Variants in IL15RA observed in about 807,000 individuals in gnomAD.
IL15RA encodes the protein interleukin-15 receptor subunit alpha.
In IL15RA, 26 loss-of-function variants were observed where a neutral mutation model predicts 24.2. The observed-to-expected ratio is 1.07, with a 90% CI of 0.79 to 1.49. The LOEUF (loss-of-function observed/expected upper bound fraction) is 1.49. IL15RA is among the 40% of genes most tolerant of loss of function. The probability of loss-of-function intolerance (pLI) is 0.00; values close to 1 mark genes in which losing one functional copy is unlikely to be tolerated. For synonymous variants in IL15RA, 166 were observed against 157.6 expected (o/e 1.05, Z -0.40); for missense variants, 354 against 356.4 (o/e 0.99, Z 0.05).
rs879040666 is a variant in IL15RA, at chr10:5,958,392, C to T, written c.616+1362G>A. The T allele has an allele frequency of 3.5e-5, 15 of 431,892 alleles. No homozygotes were observed. Among genetic ancestry groups the T allele is most frequent in the Admixed American group, 2.5e-4 (10 of 40,130 alleles). The allele number at this position is 431,892 out of a possible 1,614,324, so 26.8% of individuals were successfully genotyped here. ...TGAGTTAGAAATGGGATTTGCTTTTCGTCTTTTTTTTGAGACAGGGTCCTG... is the reference window on the plus strand; with the variant it reads ...TGAGTTAGAAATGGGATTTGCTTTTTGTCTTTTTTTTGAGACAGGGTCCTG... On this transcript the variant is annotated intron_variant, in intron 5 of 6. Coordinates refer to ENST00000379977, the MANE Select transcript of IL15RA (RefSeq NM_002189.4). This position sits in a 1 kb window ranked among gnomAD's most constrained non-coding sequence, Gnocchi z 4.3.
chr10:5,964,487 A>G lies in IL15RA; in HGVS notation c.284-646T>C, dbSNP rs911577997. On this transcript the variant is annotated intron_variant, in intron 2 of 6. Transcript: ENST00000379977. This position sits in a 1 kb window ranked among gnomAD's most constrained non-coding sequence, Gnocchi z 5.6. Reference sequence around the variant, plus strand: ...CTGGCTTACATTTCACTTGTTGAGCAGGAAAAAAGTCATTCAAAGCACAAG... The same window carrying G: ...CTGGCTTACATTTCACTTGTTGAGCGGGAAAAAAGTCATTCAAAGCACAAG... Among the ~76,000 whole-genome samples, 5 of 152,182 alleles carry G rather than the reference A, an allele frequency of 3.3e-5. No homozygotes were observed. Among genetic ancestry groups the G allele is most frequent in the African/African-American group, 9.7e-5 (4 of 41,448 alleles).
In IL15RA at chr10:5,966,385, G is replaced by T. The variant is rs182378474; in HGVS notation, c.89-46C>A. The T allele has an allele frequency of 8.6e-6, 13 of 1,510,886 alleles. No homozygotes were observed. In the East Asian group the frequency reaches 1.4e-4, roughly 16 times the overall value. 93.6% of individuals were successfully genotyped at this position (1,510,886 alleles called of 1,614,324 possible). ...GGGGACGGTGAAGAGGTTTCCACTTGTAAGAGGCGTTCTCCAGGCACACGC... is the reference window on the plus strand; with the variant it reads ...GGGGACGGTGAAGAGGTTTCCACTTTTAAGAGGCGTTCTCCAGGCACACGC... On this transcript the variant is annotated intron_variant, in intron 1 of 6. Coordinates refer to ENST00000379977, the MANE Select transcript of IL15RA (RefSeq NM_002189.4). This position sits in a 1 kb window ranked among gnomAD's most constrained non-coding sequence, Gnocchi z 6.4.
chr10:5,966,469 G>A lies in IL15RA; in HGVS notation c.89-130C>T. 4.5e-6 allele frequency: 3 copies of A among 668,644 alleles called. 1 individual carries two copies. Among genetic ancestry groups the A allele is most frequent in the South Asian group, 3.9e-5 (2 of 50,646 alleles). The allele number at this position is 668,644 out of a possible 1,614,324, so 41.4% of individuals were successfully genotyped here. The stretch of plus-strand genomic sequence containing the variant: ...GCCTCAGGACAAGCCCCAGGTGCCA[G>A]GCACGTGGAGGATGTACAGGAAGAG... On this transcript the variant is annotated intron_variant, in intron 1 of 6. Coordinates refer to ENST00000379977, the MANE Select transcript of IL15RA (RefSeq NM_002189.4). The surrounding 1 kb of genome is among the most constrained non-coding windows in gnomAD (Gnocchi z 6.4).
chr10:5,959,908 G>T lies in IL15RA; in HGVS notation c.584-122C>A. 1.2e-6 allele frequency: 1 copy of T among 845,368 alleles called. No homozygotes were observed. Among genetic ancestry groups the T allele is most frequent in the Non-Finnish European group, 1.9e-6 (1 of 513,066 alleles). 52.4% of individuals were successfully genotyped at this position (845,368 alleles called of 1,614,324 possible). On this transcript the variant is annotated intron_variant, in intron 4 of 6. Transcript: ENST00000379977. The surrounding 1 kb of genome is among the most constrained non-coding windows in gnomAD (Gnocchi z 4.1). Reference sequence around the variant, plus strand: ...GCACCCTGGGAGACTCGTGGCTGGCGTAACCAGACTCATTTTAGCAAAGAA... The same window carrying T: ...GCACCCTGGGAGACTCGTGGCTGGCTTAACCAGACTCATTTTAGCAAAGAA...
Position 5,965,826 on chromosome 10 carries a change from T to C in IL15RA, c.283+319A>G, listed in dbSNP as rs1836421760. On this transcript the variant is annotated intron_variant, in intron 2 of 6. Coordinates refer to ENST00000379977, the MANE Select transcript of IL15RA (RefSeq NM_002189.4). The surrounding 1 kb of genome is among the most constrained non-coding windows in gnomAD (Gnocchi z 5.8). The stretch of plus-strand genomic sequence containing the variant: ...ACCTCTACCTCCCGGGTTCAAGCAA[T>C]TCTCCTGCCTCAACCTCCCAAGTAG... 6.6e-6 allele frequency among the ~76,000 whole-genome samples: 1 copy of C among 152,154 alleles called. No homozygotes were observed. Among genetic ancestry groups the C allele is most frequent in the Non-Finnish European group, 1.5e-5 (1 of 68,014 alleles).
Position 5,967,978 on chromosome 10 carries a change from G to A in IL15RA, c.89-1639C>T, listed in dbSNP as rs1445312127. 6.6e-6 allele frequency among the ~76,000 whole-genome samples: 1 copy of A among 152,124 alleles called. No homozygotes were observed. Among genetic ancestry groups the A allele is most frequent in the African/African-American group, 2.4e-5 (1 of 41,414 alleles). On this transcript the variant is annotated intron_variant, in intron 1 of 6. Transcript: ENST00000379977. This position sits in a 1 kb window ranked among gnomAD's most constrained non-coding sequence, Gnocchi z 4.4. ...GGAGGCTGAGGCAGGAGAATCACAG[G>A]AACCTGAGAGGCGGAGGTTGCAGTG...
rs369365258 is a variant in IL15RA, at chr10:5,966,365, C to T, written c.89-26G>A. 86 of 1,586,276 alleles carry T rather than the reference C, an allele frequency of 5.4e-5. No homozygotes were observed. The African/African-American group carries it at 5.6e-4, about 10-fold the overall frequency. ...CTGCGAAAGTGCAGAGGACAGGGGA[C>T]GGTGAAGAGGTTTCCACTTGTAAGA... is the stretch of plus-strand genomic sequence containing the variant. On this transcript the variant is annotated intron_variant, in intron 1 of 6. Transcript: ENST00000379977. The surrounding 1 kb of genome is among the most constrained non-coding windows in gnomAD (Gnocchi z 6.4).
At position 5,973,517 on chromosome 10, in the gene IL15RA, T is replaced by C. The variant is rs1295949942; in HGVS notation, c.88+3888A>G. 1.3e-5 allele frequency among the ~76,000 whole-genome samples: 2 copies of C among 152,232 alleles called. No individual in the cohort carries two copies. The highest frequency in any genetic ancestry group is 2.9e-5 in the Non-Finnish European group (2 of 68,034). On this transcript the variant is annotated intron_variant, in intron 1 of 6. Transcript: ENST00000379977. The surrounding 1 kb of genome is among the most constrained non-coding windows in gnomAD (Gnocchi z 4.5). Reference sequence around the variant, plus strand: ...ATACTGCAACCAACTTAGACACATATGGCTGACTGATGTTCAAAAGGTATA... The same window carrying C: ...ATACTGCAACCAACTTAGACACATACGGCTGACTGATGTTCAAAAGGTATA...
At position 5,968,949 on chromosome 10, in the gene IL15RA, G is replaced by A. The variant is rs1362931738; in HGVS notation, c.89-2610C>T. The A allele has an allele frequency of 2.6e-6, 4 of 1,534,744 alleles. No homozygotes were observed. The South Asian group carries it at 3.6e-5, about 14-fold the overall frequency. On this transcript the variant is annotated intron_variant, in intron 1 of 6. Transcript: ENST00000379977. The surrounding 1 kb of genome is among the most constrained non-coding windows in gnomAD (Gnocchi z 5.4). The stretch of plus-strand genomic sequence containing the variant: ...TGCATCTGTAACAGGTTTTGTACAG[G>A]AAGTGTTCCCTGCCCATTTCCAGCA...
chr10:5,949,110 G>A (rs777987288), downstream of IL15RA: 12 of 421,554 alleles, frequency 2.8e-5, no homozygotes, highest in African/African-American at 1.0e-4. This position sits in a 1 kb window ranked among gnomAD's most constrained non-coding sequence, Gnocchi z 4.4. Context: ...CTGTCAGTGC[G>A]TGCAGCACAG....
chr10:5,969,031 T>A, intron 1 of IL15RA: 1 of 1,472,510 alleles, frequency 6.8e-7, no homozygotes, highest in Non-Finnish European at 9.1e-7. Flanking sequence ...AAGTGTATTG[T>A]GTGTGTTTCT....
chr10:5,974,003 A>G (rs1838014521), intron 1 of IL15RA, among the ~76,000 whole-genome samples: 2 of 151,198 alleles, frequency 1.3e-5, no homozygotes. Flanking sequence ...CATAAGACAG[A>G]GTCAGAAAAA....
rs537059308 is a variant in IL15RA, at chr10:5,963,150, C to T, written c.382+593G>A. 9.2e-5 allele frequency among the ~76,000 whole-genome samples: 14 copies of T among 152,290 alleles called. No individual in the cohort carries two copies. Among genetic ancestry groups the T allele is most frequent in the Admixed American group, 5.9e-4 (9 of 15,296 alleles). ...CTCTCAAGGGTGCTTCTACAGCAAG[C>T]GCCTTGGAAGACGGGGACATGGTCT... On this transcript the variant is annotated intron_variant, in intron 3 of 6. Coordinates refer to ENST00000379977, the MANE Select transcript of IL15RA (RefSeq NM_002189.4). The surrounding 1 kb of genome is among the most constrained non-coding windows in gnomAD (Gnocchi z 5.3).
At position 5,956,377 on chromosome 10, in the gene IL15RA, A is replaced by G; in HGVS notation, c.692+2T>C. The G allele has an allele frequency of 6.2e-7, 1 of 1,611,166 alleles. No individual in the cohort carries two copies. The highest frequency in any genetic ancestry group is 8.5e-7 in the Non-Finnish European group (1 of 1,177,424). On this transcript the variant is annotated splice_donor_variant, in intron 6 of 6. Transcript: ENST00000379977. LOFTEE classifies it high-confidence loss of function. ...GCAGAGGGAGTATCCAGTGCAACTCACCTTGACTTGAGGTAGCATGCCAGG... is the reference window on the plus strand; with the variant it reads ...GCAGAGGGAGTATCCAGTGCAACTCGCCTTGACTTGAGGTAGCATGCCAGG...
In IL15RA at chr10:5,973,976, C is replaced by T. The variant is rs923917322; in HGVS notation, c.88+3429G>A. ...GAACTCTCAAAATTCAGTAATGATA[C>T]AATTCAATTTTTTATACATAAGACA... is the stretch of plus-strand genomic sequence containing the variant. On this transcript the variant is annotated intron_variant, in intron 1 of 6. Coordinates refer to ENST00000379977, the MANE Select transcript of IL15RA (RefSeq NM_002189.4). This position sits in a 1 kb window ranked among gnomAD's most constrained non-coding sequence, Gnocchi z 4.5. 1.3e-5 allele frequency among the ~76,000 whole-genome samples: 2 copies of T among 150,458 alleles called. No homozygotes were observed. Among genetic ancestry groups the T allele is most frequent in the African/African-American group, 4.9e-5 (2 of 40,768 alleles).
chr10:5,977,400 C>A lies in IL15RA; in HGVS notation c.88+5G>T. On this transcript the variant is annotated splice_donor_5th_base_variant and intron_variant, in intron 1 of 6. Transcript: ENST00000379977. The stretch of plus-strand genomic sequence containing the variant: ...GCCCGGGCGCCCCTGCTCCCAGCTC[C>A]CTACCCCGCGTCGCCGGCGGCCGGA... 1 of 1,313,684 alleles carries A rather than the reference C, an allele frequency of 7.6e-7. No individual in the cohort carries two copies. Among genetic ancestry groups the A allele is most frequent in the East Asian group, 3.1e-5 (1 of 31,840 alleles). The allele number at this position is 1,313,684 out of a possible 1,614,324, so 81.4% of individuals were successfully genotyped here. A position where few individuals can be genotyped will look rare whatever the true frequency, so the allele number is the denominator to read the frequency against.
chr10:5,949,487 G>A (rs1024230037), downstream of IL15RA, among the ~76,000 whole-genome samples: 15 of 152,186 alleles, frequency 9.9e-5, no homozygotes, highest in African/African-American at 3.6e-4. This position sits in a 1 kb window ranked among gnomAD's most constrained non-coding sequence, Gnocchi z 4.4. Flanking sequence ...CTGCCTGCAA[G>A]GAGCACAGCC....
At position 5,977,448 on chromosome 10, in the gene IL15RA, C is replaced by T; in HGVS notation, c.45G>A (p.Pro15=). The change falls in exon 1 of 7, where the codon CCG becomes CCA. Residue 15 remains proline, a synonymous_variant. Coordinates refer to ENST00000379977, the MANE Select transcript of IL15RA (RefSeq NM_002189.4). ...GGAGCAGCAGCAGCAGTAGCAGCGCCGGGAGACCGAGGGTCCGGCAGCCGC... is the reference window on the plus strand; with the variant it reads ...GGAGCAGCAGCAGCAGTAGCAGCGCTGGGAGACCGAGGGTCCGGCAGCCGC... ...RARGCRTLGL[P]ALLLLLLLRP... 1 of 1,369,370 alleles carries T rather than the reference C, an allele frequency of 7.3e-7. No individual in the cohort carries two copies. The highest frequency in any genetic ancestry group is 9.4e-7 in the Non-Finnish European group (1 of 1,062,924). The allele number at this position is 1,369,370 out of a possible 1,614,324, so 84.8% of individuals were successfully genotyped here.
chr10:5,963,862 T>C lies in IL15RA; in HGVS notation c.284-21A>G. 1 of 1,482,384 alleles carries C rather than the reference T, an allele frequency of 6.7e-7. No homozygotes were observed. The highest frequency in any genetic ancestry group is 9.1e-7 in the Non-Finnish European group (1 of 1,094,624). The allele number at this position is 1,482,384 out of a possible 1,614,324, so 91.8% of individuals were successfully genotyped here. Reference sequence around the variant, plus strand: ...GTCTCCTAGAGAGAGGATAACCACATGGCACTTATGATCCTGAGCCTGGAA... The same window carrying C: ...GTCTCCTAGAGAGAGGATAACCACACGGCACTTATGATCCTGAGCCTGGAA... On this transcript the variant is annotated intron_variant, in intron 2 of 6. Coordinates refer to ENST00000379977, the MANE Select transcript of IL15RA (RefSeq NM_002189.4). The surrounding 1 kb of genome is among the most constrained non-coding windows in gnomAD (Gnocchi z 5.3).
Sources: allele counts gnomAD v4.1 joint callset (sites outside exome capture counted in the v4.1 genomes callset), GRCh38; gene constraint gnomAD v4.1.1; non-coding constraint Gnocchi (gnomAD v3.1); transcripts MANE v1.5; gene names NCBI Gene and HGNC (gene_info 2026-07-23, HGNC 2026-07-21).